The following SEC14L1 variants were observed in gnomAD, a reference collection of about 807,000 sequenced individuals.
The protein encoded by SEC14L1 is SEC14 like lipid binding 1, also known as SEC14-like protein 1.
In SEC14L1, 48 loss-of-function variants were observed where a neutral mutation model predicts 85.3. The observed-to-expected ratio is 0.56, with a 90% CI of 0.45 to 0.72. The LOEUF is 0.72. Among genes scored for constraint, SEC14L1 ranks in the 30% least tolerant of loss-of-function variants. The probability of loss-of-function intolerance (pLI) is 0.00; values close to 1 mark genes in which losing one functional copy is unlikely to be tolerated. For missense variants in SEC14L1, 682 were observed against 921.4 expected (o/e 0.74, Z 3.36); for synonymous variants, 391 against 355.5 (o/e 1.10, Z -1.12).
chr17:77,100,393 CTTT>C (rs572735925), intron 3 of SEC14L1, among the ~76,000 whole-genome samples: 1 of 56,062 alleles, frequency 1.8e-5, no homozygotes, highest in Non-Finnish European at 3.9e-5. Flanking sequence ...CTGGCTTTTT[CTTT>C]TTTTTTTTTT....
intron 14 of SEC14L1, chr17:77,210,419 A>C (rs1051729153): frequency 8.5e-5 from 13 of 152,484 alleles, no homozygotes; most frequent in African/African-American, 3.1e-4. Flanking sequence ...GGATGGTGGC[A>C]CTCTGTGCAG....
intron 3 of SEC14L1, among the ~76,000 whole-genome samples, chr17:77,164,576 G>A (rs998210022): frequency 4.6e-5 from 7 of 152,296 alleles, no homozygotes; most frequent in Admixed American, 2.0e-4. Flanking sequence ...AAGGTCCATT[G>A]ACACAAGAGC....
In SEC14L1 at chr17:77,215,106, C is replaced by T. The variant is rs1598413846; in HGVS notation, c.*1083C>T. ...GCTGTGTGTGTGCATGTGTGCATGA[C>T]GGTGGGGGTGCTGGGGGGACGGGGT... is the stretch of plus-strand genomic sequence containing the variant. On this transcript the variant is annotated 3_prime_UTR_variant, in exon 17 of 17. Coordinates refer to ENST00000436233, the MANE Select transcript of SEC14L1 (RefSeq NM_001143998.2). The T allele has an allele frequency of 1.2e-5, 12 of 985,212 alleles. No homozygotes were observed. Among genetic ancestry groups the T allele is most frequent in the Non-Finnish European group, 1.4e-5 (12 of 830,014 alleles). 61.0% of individuals were successfully genotyped at this position (985,212 alleles called of 1,614,324 possible).
At chr17:77,205,607 G>A (rs531116597) in intron 11 of SEC14L1, among the ~76,000 whole-genome samples, 71 of 152,230 alleles carry the variant, frequency 4.7e-4, no homozygotes, top group African/African-American at 1.6e-3. Flanking sequence ...GCTGCAGATC[G>A]TTTGCTTGTT....
upstream of SEC14L1, among the ~76,000 whole-genome samples, chr17:77,138,113 G>C (rs908208622): frequency 2.0e-5 from 3 of 152,096 alleles, no homozygotes; most frequent in African/African-American, 7.2e-5. Context: ...GTTCCTGGGC[G>C]GGGGCCACAA....
At chr17:77,173,855 G>C (rs1232524756) in intron 3 of SEC14L1, among the ~76,000 whole-genome samples, 1 of 151,776 alleles carries the variant, frequency 6.6e-6, no homozygotes, top group Non-Finnish European at 1.5e-5. Context: ...TTTTGAGTTT[G>C]TGAGGCTCAA....
intron 3 of SEC14L1, among the ~76,000 whole-genome samples, chr17:77,131,120 T>C (rs1972597322): frequency 6.6e-6 from 1 of 152,120 alleles, no homozygotes; most frequent in African/African-American, 2.4e-5. Context: ...AATTGTGAAG[T>C]GCATGGGCCA....
intron 3 of SEC14L1, chr17:77,094,931 C>A (rs1971604516): frequency 6.7e-6 from 1 of 149,678 alleles, no homozygotes; most frequent in Non-Finnish European, 1.5e-5. Context: ...GTGATATATA[C>A]TGGGGAAAAA....
Position 77,214,295 on chromosome 17 carries a change from A to G in SEC14L1, c.*272A>G, listed in dbSNP as rs1476302585. On this transcript the variant is annotated 3_prime_UTR_variant, in exon 17 of 17. Transcript: ENST00000436233. ...GCAAGGGCTCTCTTGAAAGAAAAGTAGTTTCTGTACCAATTAAAGGATTGA... is the reference window on the plus strand; with the variant it reads ...GCAAGGGCTCTCTTGAAAGAAAAGTGGTTTCTGTACCAATTAAAGGATTGA... 1 of 1,237,292 alleles carries G rather than the reference A, an allele frequency of 8.1e-7. No homozygotes were observed. The highest frequency in any genetic ancestry group is 1.5e-5 in the African/African-American group (1 of 65,398). The allele number at this position is 1,237,292 out of a possible 1,614,324, so 76.6% of individuals were successfully genotyped here. A position where few individuals can be genotyped will look rare whatever the true frequency, so the allele number is the denominator to read the frequency against.
intron 3 of SEC14L1, among the ~76,000 whole-genome samples, chr17:77,108,100 C>T (rs2411066): frequency 0.012 from 1,849 of 151,628 alleles, 40 homozygotes; most frequent in Admixed American, 0.043. Flanking sequence ...CCATACCATG[C>T]GCACGCACAC....
At chr17:77,186,138 C>T (rs915937504) in intron 3 of SEC14L1, among the ~76,000 whole-genome samples, 1 of 152,154 alleles carries the variant, frequency 6.6e-6, no homozygotes, top group African/African-American at 2.4e-5. Flanking sequence ...GCCACCTGTT[C>T]GTGCTCCCTC....
At position 77,194,672 on chromosome 17, in the gene SEC14L1, T is replaced by C; in HGVS notation, c.475-5T>C. 1 of 1,611,478 alleles carries C rather than the reference T, an allele frequency of 6.2e-7. No individual in the cohort carries two copies. ...ACTCACCTTTAAATTGGTTTTGTTT[T>C]AAAGGGAAAGGAAATCATCGAATAC... On this transcript the variant is annotated splice_region_variant and splice_polypyrimidine_tract_variant and intron_variant, in intron 6 of 16. Coordinates refer to ENST00000436233, the MANE Select transcript of SEC14L1 (RefSeq NM_001143998.2).
chr17:77,106,464 G>T lies in SEC14L1; in HGVS notation c.-136+13117G>T, dbSNP rs555086434. ...GGAGAATCGCTTGAACCCGGGAGGC[G>T]GAGGTTGCAGTGAGCCGAGATCGTG... On this transcript the variant is annotated intron_variant, in intron 3 of 19. Coordinates refer to the SEC14L1 transcript ENST00000392476. Among the ~76,000 whole-genome samples the T allele has an allele frequency of 2.6e-5, 4 of 151,476 alleles. No homozygotes were observed. The East Asian group carries it at 7.7e-4, about 29-fold the overall frequency.
intron 3 of SEC14L1, among the ~76,000 whole-genome samples, chr17:77,121,005 T>G (rs1972282852): frequency 6.6e-6 from 1 of 152,162 alleles, no homozygotes; most frequent in Non-Finnish European, 1.5e-5. Flanking sequence ...GGCAGCAACA[T>G]CCTGACTTGG....
chr17:77,201,159 G>A, intron 9 of SEC14L1, among the ~76,000 whole-genome samples: 1 of 152,186 alleles, frequency 6.6e-6, no homozygotes, highest in East Asian at 1.9e-4. Flanking sequence ...CGATGCACCT[G>A]AAATGAAGAG....
At chr17:77,123,414 C>CTT (rs71280842) in intron 3 of SEC14L1, among the ~76,000 whole-genome samples, 1 of 80,514 alleles carries the variant, frequency 1.2e-5, no homozygotes, top group Non-Finnish European at 2.2e-5. Context: ...CAGGCCCACT[C>CTT]TTTTTTTTTT....
chr17:77,112,406 TTTCTC>T (rs143784122), intron 3 of SEC14L1, among the ~76,000 whole-genome samples: 12,985 of 152,114 alleles, frequency 0.085, 841 homozygotes, highest in African/African-American at 0.19. Context: ...CCTTAATCCT[TTTCTC>T]TTATCTATAT....
At position 77,133,244 on chromosome 17, in the gene SEC14L1, G is replaced by A. The variant is rs186831424; in HGVS notation, c.-135-9402G>A. On this transcript the variant is annotated intron_variant, in intron 3 of 19. Transcript: ENST00000392476. ...GAGAAGAGGTTGAGCTCTGGAGGCC[G>A]AAATTTCAGTGACTCCTGATATTTT... Among the ~76,000 whole-genome samples the A allele has an allele frequency of 3.3e-5, 5 of 152,272 alleles. 1 individual carries two copies. The East Asian group carries it at 5.8e-4, about 18-fold the overall frequency.
rs1598400919 is a variant in SEC14L1 at position 77,206,998 on chromosome 17, A to C, written c.1476+136A>C. On this transcript the variant is annotated intron_variant, in intron 13 of 16. Transcript: ENST00000436233. This position sits in a 1 kb window ranked among gnomAD's most constrained non-coding sequence, Gnocchi z 4.3. ...TTTTGTTTTGTTTCTTTTGGCCGCCATTTCTCTGATCCAGGGTTAAGCTAA... is the reference window on the plus strand; with the variant it reads ...TTTTGTTTTGTTTCTTTTGGCCGCCCTTTCTCTGATCCAGGGTTAAGCTAA... 2.3e-6 allele frequency: 2 copies of C among 888,528 alleles called. No homozygotes were observed. The highest frequency in any genetic ancestry group is 5.4e-5 in the East Asian group (2 of 37,310). The allele number at this position is 888,528 out of a possible 1,614,324, so 55.0% of individuals were successfully genotyped here.
Sources: gnomAD v4.1 joint callset for allele counts (sites outside exome capture counted in the v4.1 genomes callset) on GRCh38, gnomAD v4.1.1 for gene constraint, Gnocchi (gnomAD v3.1) non-coding constraint, MANE v1.5 for transcripts, NCBI Gene and HGNC (gene_info 2026-07-23, HGNC 2026-07-21) for gene names.